MCCD1: variants seen among roughly 807,000 people sequenced by gnomAD.
The protein encoded by MCCD1 is mitochondrial coiled-coil domain protein 1.
In MCCD1, 5 loss-of-function variants were observed where a neutral mutation model predicts 5.6. The ratio of observed to expected loss-of-function variants is 0.89; its 90% CI spans 0.46 to 1.87. The LOEUF is 1.87. MCCD1 is among the 40% of genes most tolerant of loss of function. The probability of loss-of-function intolerance (pLI) is 0.01; values close to 1 mark genes in which losing one functional copy is unlikely to be tolerated. For synonymous variants in MCCD1, 70 were observed against 57.3 expected, an observed-to-expected ratio of 1.22 and a Z score of -1.00; for missense variants, 178 against 141.8, an observed-to-expected ratio of 1.26 and a Z score of -1.30.
chr6:31,529,930 G>A lies in MCCD1; in HGVS notation c.355G>A (p.Ala119Thr), dbSNP rs780272388. 7.3e-6 allele frequency: 11 copies of A among 1,503,752 alleles called. No individual in the cohort carries two copies. Among genetic ancestry groups the A allele is most frequent in the South Asian group, 6.2e-5 (5 of 80,158 alleles). 93.2% of individuals were successfully genotyped at this position (1,503,752 alleles called of 1,614,324 possible). A position where few individuals can be genotyped will look rare whatever the true frequency, so the allele number is the denominator to read the frequency against. ...GCACCAAGAGAGCCTTGGAGGAGGC[G>A]CCTAAGTTTCCCCCAGTGCCCACAG... ...RRHQESLGGG[A>T] The change falls in exon 2 of 2, where the codon GCC (alanine) becomes ACC (threonine). Residue 119 changes from alanine (A) to threonine (T), a missense_variant. Transcript: ENST00000376191.
intron 1 of MCCD1, 122 bp downstream of exon 1, chr6:31,529,307 T>G: frequency 9.1e-7 from 1 of 1,103,412 alleles, no homozygotes. Flanking sequence ...GCTCTTTTCT[T>G]AGTTCAGCTA....
Position 31,530,086 on chromosome 6 carries a change from G to A in MCCD1, c.*151G>A. ...CAGGCAATTGGCAGGCAGTGGGGGA[G>A]CCAGGGCTCTGCAGTCTTAGTCCCA... On this transcript the variant is annotated 3_prime_UTR_variant, in exon 2 of 2. Transcript: ENST00000376191. This position sits in a 1 kb window ranked among gnomAD's most constrained non-coding sequence, Gnocchi z 4.5. The A allele has an allele frequency of 7.3e-7, 1 of 1,376,220 alleles. No homozygotes were observed. The highest frequency in any genetic ancestry group is 1.6e-5 in the South Asian group (1 of 61,484). The allele number at this position is 1,376,220 out of a possible 1,614,324, so 85.3% of individuals were successfully genotyped here.
In MCCD1 at chr6:31,529,010, C is replaced by T; in HGVS notation, c.-5C>T. On this transcript the variant is annotated 5_prime_UTR_variant, in exon 1 of 2. Transcript: ENST00000376191. Reference sequence around the variant, plus strand: ...CTCACACAGCTCCCTGCCAGGTCACCCGCCATGGTCCTCCCTCTGCCCTGG... The same window carrying T: ...CTCACACAGCTCCCTGCCAGGTCACTCGCCATGGTCCTCCCTCTGCCCTGG... 1 of 1,610,908 alleles carries T rather than the reference C, an allele frequency of 6.2e-7. No homozygotes were observed. The highest frequency in any genetic ancestry group is 1.1e-5 in the South Asian group (1 of 90,956).
rs3093983 is a variant in MCCD1 at position 31,529,148 on chromosome 6, G to A, written c.134G>A (p.Ser45Asn). 0.83 allele frequency: 1,334,305 copies of A among 1,611,370 alleles called. 554,174 individuals carry two copies. The highest frequency in any genetic ancestry group is 0.93 in the South Asian group (84,301 of 91,042). Residue 45 changes from serine (S) to asparagine (N), a missense_variant, in exon 1 of 2, where the codon AGC (serine) becomes AAC (asparagine). Physicochemically the swap from Ser to Asn is conservative, Grantham distance 46. Transcript: ENST00000376191. Reference sequence around the variant, plus strand: ...AAAGCAAGCATGGAAGAGCAGACCAGCTCCAGAGGAAATGGGAAGATGACG... The same window carrying A: ...AAAGCAAGCATGGAAGAGCAGACCAACTCCAGAGGAAATGGGAAGATGACG... ...NPKASMEEQT[S>N]SRGNGKMTSP... is the part of the protein sequence containing the mutation.
chr6:31,530,033 C>G lies in MCCD1; in HGVS notation c.*98C>G. ...TAAACACCCCAGCGTCTTCCCAGGCCAGAGAAAGTGGAAGAGACCACAAAG... is the reference window on the plus strand; with the variant it reads ...TAAACACCCCAGCGTCTTCCCAGGCGAGAGAAAGTGGAAGAGACCACAAAG... On this transcript the variant is annotated 3_prime_UTR_variant, in exon 2 of 2. Transcript: ENST00000376191. This position sits in a 1 kb window ranked among gnomAD's most constrained non-coding sequence, Gnocchi z 4.5. The G allele has an allele frequency of 7.0e-7, 1 of 1,427,212 alleles. No homozygotes were observed. The highest frequency in any genetic ancestry group is 1.6e-5 in the South Asian group (1 of 63,924). The allele number at this position is 1,427,212 out of a possible 1,614,324, so 88.4% of individuals were successfully genotyped here.
In MCCD1 at chr6:31,529,729, C is replaced by T. The variant is rs1766917819; in HGVS notation, c.172-18C>T. On this transcript the variant is annotated intron_variant, in intron 1 of 1. Coordinates refer to ENST00000376191, the MANE Select transcript of MCCD1 (RefSeq NM_001011700.3). ...CCCCTGCCCTGGCTGATGCTCCCTC[C>T]CTTAATTCCCTGACCAGGGCCCTGG... The T allele has an allele frequency of 2.8e-6, 4 of 1,444,570 alleles. No individual in the cohort carries two copies. Among genetic ancestry groups the T allele is most frequent in the African/African-American group, 1.4e-5 (1 of 69,110 alleles). The allele number at this position is 1,444,570 out of a possible 1,614,324, so 89.5% of individuals were successfully genotyped here. A position where few individuals can be genotyped will look rare whatever the true frequency, so the allele number is the denominator to read the frequency against.
In MCCD1 at chr6:31,529,793, TGTTGGAGCAGCA is replaced by T. The variant is rs761029793; in HGVS notation, c.220_231del (p.Gln76_Glu79del). The T allele has an allele frequency of 6.3e-7, 1 of 1,576,670 alleles. No homozygotes were observed. The highest frequency in any genetic ancestry group is 8.6e-7 in the Non-Finnish European group (1 of 1,158,194). Reference sequence around the variant, plus strand: ...GCTGAGCTGGCCCGAGCTGAAGAGTTGTTGGAGCAGCAGCTGGAGCTGTACCAGGCCCTCCTT... The same window carrying T: ...GCTGAGCTGGCCCGAGCTGAAGAGTTGCTGGAGCTGTACCAGGCCCTCCTT... On this transcript the variant is annotated inframe_deletion, in exon 2 of 2. Transcript: ENST00000376191.
In MCCD1 at chr6:31,529,914, G is replaced by C; in HGVS notation, c.339G>C (p.Glu113Asp). 2 of 1,538,130 alleles carry C rather than the reference G, an allele frequency of 1.3e-6. No homozygotes were observed. The highest frequency in any genetic ancestry group is 1.8e-6 in the Non-Finnish European group (2 of 1,139,688). Residue 113 changes from glutamate to aspartate, a missense_variant, in exon 2 of 2, where the codon GAG becomes GAC. By Grantham distance (45) the Glu-to-Asp change is conservative. Coordinates refer to ENST00000376191, the MANE Select transcript of MCCD1 (RefSeq NM_001011700.3). Reference protein sequence around the residue: ...KLKEQMRRHQESLGGGA With the variant: ...KLKEQMRRHQDSLGGGA ...AGGAACAGATGAGGAGGCACCAAGAGAGCCTTGGAGGAGGCGCCTAAGTTT... is the reference window on the plus strand; with the variant it reads ...AGGAACAGATGAGGAGGCACCAAGACAGCCTTGGAGGAGGCGCCTAAGTTT...
chr6:31,529,612 T>C lies in MCCD1; in HGVS notation c.172-135T>C, dbSNP rs527346695. 6.6e-5 allele frequency: 73 copies of C among 1,111,738 alleles called. No individual in the cohort carries two copies. In the African/African-American group the frequency reaches 1.1e-3, roughly 17 times the overall value. 68.9% of individuals were successfully genotyped at this position (1,111,738 alleles called of 1,614,324 possible). A position where few individuals can be genotyped will look rare whatever the true frequency, so the allele number is the denominator to read the frequency against. On this transcript the variant is annotated intron_variant, in intron 1 of 1. Transcript: ENST00000376191. ...AGCTACCTGGCCTTCTCAGTACAGG[T>C]GTCCTTAAACGACCGGTTCAAAAAC...
At position 31,529,759 on chromosome 6, in the gene MCCD1, C is replaced by T. The variant is rs1276382370; in HGVS notation, c.184C>T (p.His62Tyr). Residue 62 changes from histidine to tyrosine, a missense_variant, in exon 2 of 2, where the codon CAC becomes TAC. Coordinates refer to ENST00000376191, the MANE Select transcript of MCCD1 (RefSeq NM_001011700.3). Reference sequence around the variant, plus strand: ...ATTCCCTGACCAGGGCCCTGGGACCCACCGCACAGCTGAGCTGGCCCGAGC... The same window carrying T: ...ATTCCCTGACCAGGGCCCTGGGACCTACCGCACAGCTGAGCTGGCCCGAGC... ...MTSPPRGPGT[H>Y]RTAELARAEE... 9 of 1,511,118 alleles carry T rather than the reference C, an allele frequency of 6.0e-6. No homozygotes were observed. Among genetic ancestry groups the T allele is most frequent in the East Asian group, 2.4e-5 (1 of 41,202 alleles). 93.6% of individuals were successfully genotyped at this position (1,511,118 alleles called of 1,614,324 possible). A position where few individuals can be genotyped will look rare whatever the true frequency, so the allele number is the denominator to read the frequency against.
At position 31,529,075 on chromosome 6, in the gene MCCD1, T is replaced by C; in HGVS notation, c.61T>C (p.Trp21Arg). ...YHFLRLLLPS[W>R]SLAPQGSHGC... ...TTTCCTTCGCCTCCTTCTGCCCTCC[T>C]GGTCCTTGGCACCCCAGGGCTCCCA... The change falls in exon 1 of 2, where the codon TGG becomes CGG. Residue 21 changes from tryptophan (W) to arginine (R), a missense_variant. By Grantham distance (101) the Trp-to-Arg change is moderately radical. Transcript: ENST00000376191. The C allele has an allele frequency of 6.2e-7, 1 of 1,612,722 alleles. No individual in the cohort carries two copies. Among genetic ancestry groups the C allele is most frequent in the African/African-American group, 1.3e-5 (1 of 74,984 alleles).
Position 31,529,170 on chromosome 6 carries a change from G to A in MCCD1, c.156G>A (p.Met52Ile). The A allele has an allele frequency of 6.2e-7, 1 of 1,612,466 alleles. No individual in the cohort carries two copies. Among genetic ancestry groups the A allele is most frequent in the Non-Finnish European group, 8.5e-7 (1 of 1,179,732 alleles). Residue 52 changes from methionine (M) to isoleucine (I), a missense_variant, in exon 1 of 2, where the codon ATG becomes ATA. By Grantham distance (10) the Met-to-Ile change is conservative. Transcript: ENST00000376191. ...EQTSSRGNGKMTSPPRGPGTH... is the reference protein window; with the variant it reads ...EQTSSRGNGKITSPPRGPGTH... Reference sequence around the variant, plus strand: ...CCAGCTCCAGAGGAAATGGGAAGATGACGTCCCCTCCCAGGGTAAGTGGCA... The same window carrying A: ...CCAGCTCCAGAGGAAATGGGAAGATAACGTCCCCTCCCAGGGTAAGTGGCA...
chr6:31,529,093 G>A lies in MCCD1; in HGVS notation c.79G>A (p.Gly27Ser). ...LLPSWSLAPQ[G>S]SHGCCSQNPK... ...GCCCTCCTGGTCCTTGGCACCCCAG[G>A]GCTCCCATGGGTGCTGCTCCCAAAA... Residue 27 changes from glycine (G) to serine (S), a missense_variant, in exon 1 of 2, where the codon GGC (glycine) becomes AGC (serine). Coordinates refer to ENST00000376191, the MANE Select transcript of MCCD1 (RefSeq NM_001011700.3). 3 of 1,612,840 alleles carry A rather than the reference G, an allele frequency of 1.9e-6. No homozygotes were observed. The highest frequency in any genetic ancestry group is 2.5e-6 in the Non-Finnish European group (3 of 1,179,912).
At position 31,529,844 on chromosome 6, in the gene MCCD1, G is replaced by A; in HGVS notation, c.269G>A (p.Gly90Glu). 2 of 1,589,754 alleles carry A rather than the reference G, an allele frequency of 1.3e-6. No individual in the cohort carries two copies. Among genetic ancestry groups the A allele is most frequent in the Admixed American group, 1.8e-5 (1 of 55,892 alleles). The part of the protein sequence containing the change: ...LYQALLEGQE[G>E]AWEAQALVLK... Reference sequence around the variant, plus strand: ...CAGGCCCTCCTTGAAGGGCAGGAGGGAGCCTGGGAGGCCCAAGCCCTGGTG... The same window carrying A: ...CAGGCCCTCCTTGAAGGGCAGGAGGAAGCCTGGGAGGCCCAAGCCCTGGTG... The change falls in exon 2 of 2, where the codon GGA (glycine) becomes GAA (glutamate). Residue 90 changes from glycine to glutamate, a missense_variant. Transcript: ENST00000376191.
rs764995912 is a variant in MCCD1, at chr6:31,529,863, C to A, written c.288C>A (p.Ala96=). The A allele has an allele frequency of 5.7e-6, 9 of 1,577,020 alleles. No individual in the cohort carries two copies. In the South Asian group the frequency reaches 9.3e-5, roughly 16 times the overall value. The part of the protein sequence containing the change: ...EGQEGAWEAQ[A]LVLKIQKLKE... ...AGGAGGGAGCCTGGGAGGCCCAAGCCCTGGTGCTCAAGATCCAGAAGCTGA... is the reference window on the plus strand; with the variant it reads ...AGGAGGGAGCCTGGGAGGCCCAAGCACTGGTGCTCAAGATCCAGAAGCTGA... Residue 96 remains alanine (A), a synonymous_variant, in exon 2 of 2, where the codon GCC becomes GCA. Coordinates refer to ENST00000376191, the MANE Select transcript of MCCD1 (RefSeq NM_001011700.3).
rs1766863730 is a variant in MCCD1, at chr6:31,529,322, C to G, written c.171+137C>G. The G allele has an allele frequency of 9.2e-6, 9 of 976,470 alleles. No individual in the cohort carries two copies. The East Asian group carries it at 2.4e-4, about 26-fold the overall frequency. 60.5% of individuals were successfully genotyped at this position (976,470 alleles called of 1,614,324 possible). A position where few individuals can be genotyped will look rare whatever the true frequency, so the allele number is the denominator to read the frequency against. On this transcript the variant is annotated intron_variant, in intron 1 of 1. Transcript: ENST00000376191. The stretch of plus-strand genomic sequence containing the variant: ...GCTCTTTTCTTAGTTCAGCTACCAA[C>G]TCCTCTCCCCACCTCCCCCAGCCCA...
chr6:31,529,813 C>A lies in MCCD1; in HGVS notation c.238C>A (p.Leu80Met). 2 of 1,593,918 alleles carry A rather than the reference C, an allele frequency of 1.3e-6. No homozygotes were observed. Among genetic ancestry groups the A allele is most frequent in the Non-Finnish European group, 8.5e-7 (1 of 1,169,974 alleles). Residue 80 changes from leucine to methionine, a missense_variant, in exon 2 of 2, where the codon CTG (leucine) becomes ATG (methionine). Transcript: ENST00000376191. ...AGAGTTGTTGGAGCAGCAGCTGGAG[C>A]TGTACCAGGCCCTCCTTGAAGGGCA... ...AEELLEQQLE[L>M]YQALLEGQEG... is the part of the protein sequence containing the mutation.
In MCCD1 at chr6:31,530,083, G is replaced by C; in HGVS notation, c.*148G>C. 1.5e-6 allele frequency: 2 copies of C among 1,378,844 alleles called. No individual in the cohort carries two copies. Among genetic ancestry groups the C allele is most frequent in the African/African-American group, 2.9e-5 (2 of 68,154 alleles). The allele number at this position is 1,378,844 out of a possible 1,614,324, so 85.4% of individuals were successfully genotyped here. ...GCGCAGGCAATTGGCAGGCAGTGGG[G>C]GAGCCAGGGCTCTGCAGTCTTAGTC... On this transcript the variant is annotated 3_prime_UTR_variant, in exon 2 of 2. Transcript: ENST00000376191. The surrounding 1 kb of genome is among the most constrained non-coding windows in gnomAD (Gnocchi z 4.5).
In MCCD1 at chr6:31,530,122, A is replaced by C; in HGVS notation, c.*187A>C. 3 of 1,210,298 alleles carry C rather than the reference A, an allele frequency of 2.5e-6. No homozygotes were observed. The highest frequency in any genetic ancestry group is 3.3e-6 in the Non-Finnish European group (3 of 899,238). 75.0% of individuals were successfully genotyped at this position (1,210,298 alleles called of 1,614,324 possible). On this transcript the variant is annotated 3_prime_UTR_variant, in exon 2 of 2. Transcript: ENST00000376191. This position sits in a 1 kb window ranked among gnomAD's most constrained non-coding sequence, Gnocchi z 4.5. ...GCAGTCTTAGTCCCATTCCCCTTTG[A>C]TCTCACAGCAGGCAGGGCACCCAGG...
Sources: allele counts gnomAD v4.1 joint callset, GRCh38; gene constraint gnomAD v4.1.1; non-coding constraint Gnocchi (gnomAD v3.1); transcripts MANE v1.5; gene names NCBI Gene and HGNC (gene_info 2026-07-23, HGNC 2026-07-21).